C2orf69: variants seen among roughly 807,000 people sequenced by gnomAD.
C2orf69 encodes mitochondrial protein C2orf69.
A neutral mutation model predicts 29.5 loss-of-function variants in C2orf69; 19 were observed. That is an observed-to-expected ratio of 0.65 (90% confidence interval 0.45 to 0.95). C2orf69 has a LOEUF of 0.95. Among genes scored for constraint, C2orf69 ranks in the 40% least tolerant of loss-of-function variants. C2orf69 has a pLI of 0.00. For synonymous variants in C2orf69, 194 were observed against 180.0 expected (o/e 1.08, Z -0.62); for missense variants, 416 against 482.1 (o/e 0.86, Z 1.28).
At chr2:199,924,543 T>C (rs988650107) in intron 1 of C2orf69, among the ~76,000 whole-genome samples, 3 of 152,212 alleles carry the variant, frequency 2.0e-5, no homozygotes, top group African/African-American at 4.8e-5. Flanking sequence ...ACAAAGAGTT[T>C]TCTATAATGT....
In C2orf69 at chr2:199,925,845, C is replaced by G. The variant is rs567530246; in HGVS notation, c.1117C>G (p.Pro373Ala). 2.5e-6 allele frequency: 4 copies of G among 1,613,476 alleles called. No individual in the cohort carries two copies. In the South Asian group the frequency reaches 4.4e-5, roughly 18 times the overall value. Residue 373 changes from proline to alanine, a missense_variant, in exon 2 of 2, where the codon CCT becomes GCT. Pro to Ala is a conservative substitution (Grantham distance 27). This residue lies in a region of C2orf69 where 14 missense variants were observed against 16.6 expected (regional missense o/e 0.84). Coordinates refer to ENST00000319974, the MANE Select transcript of C2orf69 (RefSeq NM_153689.6). The surrounding 1 kb of genome is among the most constrained non-coding windows in gnomAD (Gnocchi z 4.9). ...TSQIHFTKEA[P>A]SIENHFRVHE... The stretch of plus-strand genomic sequence containing the variant: ...CCAAATTCATTTTACAAAGGAAGCT[C>G]CTTCCATAGAGAATCACTTCAGGGT...
chr2:199,917,861 A>G (rs2077299219), intron 1 of C2orf69, among the ~76,000 whole-genome samples: 1 of 152,220 alleles, frequency 6.6e-6, no homozygotes, highest in Admixed American at 6.5e-5. Context: ...GCTAATAGAG[A>G]CATACCCAAG....
At position 199,925,557 on chromosome 2, in the gene C2orf69, T is replaced by C. The variant is rs1345733183; in HGVS notation, c.829T>C (p.Leu277=). ...TGTTTTGAATCAGTTGCTTTTTGAA[T>C]TGAAAGAAGCCAAGAAAGACAAGAA... ...CVVLNQLLFE[L]KEAKKDKNID... The change falls in exon 2 of 2, where the codon TTG becomes CTG. Residue 277 remains leucine (L), a synonymous_variant. Transcript: ENST00000319974. The surrounding 1 kb of genome is among the most constrained non-coding windows in gnomAD (Gnocchi z 4.9). 6.2e-7 allele frequency: 1 copy of C among 1,613,776 alleles called. No individual in the cohort carries two copies. The highest frequency in any genetic ancestry group is 1.3e-5 in the African/African-American group (1 of 74,914).
At position 199,925,926 on chromosome 2, in the gene C2orf69, A is replaced by G. The variant is rs377416431; in HGVS notation, c.*40A>G. ...TAATGAACTTGTTCAGTGGAAGAAC[A>G]TAAGCACTTTTGAGTGTTATAAATT... On this transcript the variant is annotated 3_prime_UTR_variant, in exon 2 of 2. Coordinates refer to ENST00000319974, the MANE Select transcript of C2orf69 (RefSeq NM_153689.6). This position sits in a 1 kb window ranked among gnomAD's most constrained non-coding sequence, Gnocchi z 4.9. 2.2e-6 allele frequency: 3 copies of G among 1,346,992 alleles called. No homozygotes were observed. Among genetic ancestry groups the G allele is most frequent in the East Asian group, 2.3e-5 (1 of 42,918 alleles). 83.4% of individuals were successfully genotyped at this position (1,346,992 alleles called of 1,614,324 possible).
At chr2:199,923,220 C>T (rs1374821826) in intron 1 of C2orf69, among the ~76,000 whole-genome samples, 11 of 152,168 alleles carry the variant, frequency 7.2e-5, no homozygotes, top group African/African-American at 2.2e-4. Context: ...TTCCTTTTCT[C>T]CTGCTTTATT....
At chr2:199,913,468 ATATATTATATAAAATATATAT>A (rs2077281667) in intron 1 of C2orf69, among the ~76,000 whole-genome samples, 4 of 34,040 alleles carry the variant, frequency 1.2e-4, no homozygotes, top group African/African-American at 2.5e-4. Flanking sequence ...TATATAAAAT[ATATATTATATAAAATATATAT>A]TATATTATAT....
intron 1 of C2orf69, among the ~76,000 whole-genome samples, chr2:199,915,279 T>C (rs966705102): frequency 8.5e-5 from 13 of 152,154 alleles, no homozygotes; most frequent in Non-Finnish European, 1.3e-4. Context: ...CTATTTTCTT[T>C]ATTTTCTTTT....
chr2:199,920,896 C>A (rs1323462870), intron 1 of C2orf69, among the ~76,000 whole-genome samples: 2 of 122,800 alleles, frequency 1.6e-5, no homozygotes, highest in African/African-American at 6.3e-5. Context: ...GCAGAGGTTG[C>A]AGTGAGCCGA....
Position 199,911,648 on chromosome 2 carries a change from A to G in C2orf69, c.210A>G (p.Glu70=), listed in dbSNP as rs766243890. Residue 70 remains glutamate, a synonymous_variant, in exon 1 of 2, where the codon GAA becomes GAG. Transcript: ENST00000319974. ...GAGCCGATCCGCAGCGCAGCAACGA[A>G]TTGCTCCTGTTGGCGGCGGCCGGGG... ...VPGADPQRSN[E]LLLLAAAGEG... 4.5e-5 allele frequency: 70 copies of G among 1,549,294 alleles called. No homozygotes were observed. In the African/African-American group the frequency reaches 7.7e-4, roughly 17 times the overall value.
At chr2:199,917,157 C>T (rs1009672778) in intron 1 of C2orf69, among the ~76,000 whole-genome samples, 3 of 152,232 alleles carry the variant, frequency 2.0e-5, no homozygotes, top group Admixed American at 6.5e-5. Flanking sequence ...CCATTTTAGC[C>T]ACGGTGGGAC....
intron 1 of C2orf69, among the ~76,000 whole-genome samples, chr2:199,915,002 C>T (rs1018016756): frequency 7.9e-5 from 12 of 152,174 alleles, no homozygotes; most frequent in African/African-American, 1.9e-4. Flanking sequence ...GTTTGTTCAC[C>T]GATATAATCT....
rs2077338149 is a variant in C2orf69 at position 199,927,107 on chromosome 2, C to G, written c.*1221C>G. 1 of 152,270 alleles carries G rather than the reference C, an allele frequency of 6.6e-6. No individual in the cohort carries two copies. Among genetic ancestry groups the G allele is most frequent in the African/African-American group, 2.4e-5 (1 of 41,434 alleles). 9.4% of individuals were successfully genotyped at this position (152,270 alleles called of 1,614,324 possible). ...AAACTGAATTTGCTTAACACTGCTA[C>G]ATAATTTGGGTGAAGTTTCCTTCTG... On this transcript the variant is annotated 3_prime_UTR_variant, in exon 2 of 2. Transcript: ENST00000319974.
intron 1 of C2orf69, among the ~76,000 whole-genome samples, chr2:199,921,007 T>TTG (rs2077313756): frequency 7.9e-6 from 1 of 126,056 alleles, no homozygotes; most frequent in Non-Finnish European, 1.7e-5. Flanking sequence ...ATTAGTTTTT[T>TTG]TTTTTTTTTT....
chr2:199,913,221 AAT>A (rs1559292091), intron 1 of C2orf69, among the ~76,000 whole-genome samples: 3 of 72,842 alleles, frequency 4.1e-5, no homozygotes, highest in Non-Finnish European at 7.5e-5. Context: ...TATTATATAT[AAT>A]ATATATTATA....
chr2:199,917,440 T>C (rs1457711955), intron 1 of C2orf69, among the ~76,000 whole-genome samples: 1 of 152,176 alleles, frequency 6.6e-6, no homozygotes, highest in Non-Finnish European at 1.5e-5. Flanking sequence ...TTCCAAACTT[T>C]TATGTGCTAC....
intron 1 of C2orf69, among the ~76,000 whole-genome samples, chr2:199,916,758 G>A (rs1308370295): frequency 6.6e-6 from 1 of 152,192 alleles, no homozygotes; most frequent in Non-Finnish European, 1.5e-5. Flanking sequence ...GATGCAAGAG[G>A]TGGACTCCTG....
chr2:199,912,794 C>T (rs1036530249), intron 1 of C2orf69, among the ~76,000 whole-genome samples: 38 of 152,140 alleles, frequency 2.5e-4, no homozygotes, highest in African/African-American at 8.9e-4. Flanking sequence ...GCATGCGCTA[C>T]CACACTGAGC....
chr2:199,923,827 A>G (rs896692690), intron 1 of C2orf69, among the ~76,000 whole-genome samples: 3 of 152,164 alleles, frequency 2.0e-5, no homozygotes, highest in Admixed American at 6.6e-5. Context: ...TTTCTGTTGG[A>G]CAGTGCTGCT....
In C2orf69 at chr2:199,925,979, C is replaced by A; in HGVS notation, c.*93C>A. ...GATAATGGGATGTAATTCATAGCTG[C>A]ATTGTCAGTTTTGGGGTATGGGGGG... On this transcript the variant is annotated 3_prime_UTR_variant, in exon 2 of 2. Coordinates refer to ENST00000319974, the MANE Select transcript of C2orf69 (RefSeq NM_153689.6). This position sits in a 1 kb window ranked among gnomAD's most constrained non-coding sequence, Gnocchi z 4.9. 1.2e-6 allele frequency: 1 copy of A among 828,586 alleles called. No homozygotes were observed. Among genetic ancestry groups the A allele is most frequent in the Non-Finnish European group, 1.9e-6 (1 of 536,152 alleles). 51.3% of individuals were successfully genotyped at this position (828,586 alleles called of 1,614,324 possible).
Sources: allele counts gnomAD v4.1 joint callset (sites outside exome capture counted in the v4.1 genomes callset), GRCh38; gene constraint gnomAD v4.1.1; regional missense constraint gnomAD v4.1.1; non-coding constraint Gnocchi (gnomAD v3.1); transcripts MANE v1.5; gene names NCBI Gene and HGNC (gene_info 2026-07-23, HGNC 2026-07-21).